Variants in EYS observed in about 807,000 individuals in gnomAD.
EYS encodes the protein EGF-like photoreceptor maintenance factor.
EYS carries 250 observed loss-of-function variants against 282.1 expected under a neutral mutation model. The ratio of observed to expected loss-of-function variants is 0.89; its 90% CI spans 0.80 to 0.98. EYS has a LOEUF of 0.98. Ranked by LOEUF, EYS falls within the 50% of genes least tolerant of loss-of-function variation. EYS has a pLI of 0.00. For missense variants in EYS, 4,016 were observed against 3,709.0 expected, an observed-to-expected ratio of 1.08 and a Z score of -2.15; for synonymous variants, 1,355 against 1,282.9, an observed-to-expected ratio of 1.06 and a Z score of -1.20.
At chr6:65,023,913 A>T (rs1237279194) in intron 13 of EYS, among the ~76,000 whole-genome samples, 1 of 152,212 alleles carries the variant, frequency 6.6e-6, no homozygotes, top group Non-Finnish European at 1.5e-5. Context: ...CATACATAGC[A>T]GTCCAATAAA....
At chr6:65,263,292 G>C (rs564928070) in intron 12 of EYS, among the ~76,000 whole-genome samples, 112 of 152,100 alleles carry the variant, frequency 7.4e-4, no homozygotes, top group African/African-American at 2.6e-3. Flanking sequence ...AGTGAGCTAT[G>C]ATCGTGCCAA....
At chr6:65,496,464 C>T (rs1766261964) in intron 2 of EYS, among the ~76,000 whole-genome samples, 1 of 151,778 alleles carries the variant, frequency 6.6e-6, no homozygotes, top group Admixed American at 6.6e-5. Context: ...AACTGCAATC[C>T]TCACAATTAA....
chr6:64,027,476 TA>T (rs1309973401), intron 33 of EYS, among the ~76,000 whole-genome samples: 1 of 152,138 alleles, frequency 6.6e-6, no homozygotes, highest in African/African-American at 2.4e-5. Context: ...GAGGCATTAC[TA>T]AACCTGGCAA....
intron 35 of EYS, among the ~76,000 whole-genome samples, chr6:63,908,604 C>T (rs1435755958): frequency 6.6e-6 from 1 of 151,890 alleles, no homozygotes; most frequent in African/African-American, 2.4e-5. Flanking sequence ...GCACCCACCA[C>T]CACGCTCGGC....
intron 29 of EYS, among the ~76,000 whole-genome samples, chr6:64,339,882 C>A (rs575051796): frequency 7.6e-4 from 115 of 151,690 alleles, no homozygotes; most frequent in African/African-American, 2.8e-3. Context: ...ATACAGTGGA[C>A]TTTGGGGACC....
At chr6:64,894,095 A>G (rs997008538) in intron 18 of EYS, among the ~76,000 whole-genome samples, 15 of 152,134 alleles carry the variant, frequency 9.9e-5, no homozygotes, top group African/African-American at 2.4e-4. Flanking sequence ...CATTTTAATA[A>G]ATATTTAAGT....
intron 22 of EYS, among the ~76,000 whole-genome samples, chr6:64,664,726 A>G (rs1769167816): frequency 6.6e-6 from 1 of 152,178 alleles, no homozygotes; most frequent in South Asian, 2.1e-4. Flanking sequence ...TGACCTTTTC[A>G]TCATGAGAAC....
At chr6:63,936,204 G>T (rs1765051834) in intron 35 of EYS, among the ~76,000 whole-genome samples, 1 of 152,158 alleles carries the variant, frequency 6.6e-6, no homozygotes, top group Non-Finnish European at 1.5e-5. Context: ...ACCCCTTCTG[G>T]GATGAGAGTC....
chr6:64,961,352 A>C (rs1769909616), intron 14 of EYS, among the ~76,000 whole-genome samples: 1 of 152,146 alleles, frequency 6.6e-6, no homozygotes. Context: ...TAAACTATTA[A>C]TTATTCAAAT....
intron 24 of EYS, among the ~76,000 whole-genome samples, chr6:64,596,337 T>C (rs1766587540): frequency 6.6e-6 from 1 of 152,170 alleles, no homozygotes. Flanking sequence ...AGACCAATGA[T>C]ATTTTTCAGA....
intron 12 of EYS, among the ~76,000 whole-genome samples, chr6:65,139,135 T>C (rs910038042): frequency 2.6e-5 from 4 of 152,094 alleles, no homozygotes; most frequent in Non-Finnish European, 5.9e-5. Flanking sequence ...TGCACACATA[T>C]GTTCATCGCA....
chr6:64,884,560 T>C (rs1014537471), intron 19 of EYS, among the ~76,000 whole-genome samples: 4 of 151,424 alleles, frequency 2.6e-5, no homozygotes, highest in Non-Finnish European at 5.9e-5. Flanking sequence ...CAGTAATGCT[T>C]TAGGAGCCTT....
At chr6:65,560,820 G>A (rs2127344967) in intron 2 of EYS, among the ~76,000 whole-genome samples, 1 of 152,054 alleles carries the variant, frequency 6.6e-6, no homozygotes, top group Non-Finnish European at 1.5e-5. Flanking sequence ...CCCATACACA[G>A]TATCTTCTTA....
chr6:64,827,481 A>T (rs1360993021), intron 19 of EYS, among the ~76,000 whole-genome samples: 1 of 151,902 alleles, frequency 6.6e-6, no homozygotes, highest in African/African-American at 2.4e-5. Context: ...TTCATGTAGT[A>T]AATGATCAAA....
intron 32 of EYS, among the ~76,000 whole-genome samples, chr6:64,071,803 T>C (rs548792925): frequency 6.6e-6 from 1 of 151,576 alleles, no homozygotes; most frequent in East Asian, 2.0e-4. Flanking sequence ...ATGATTTGTA[T>C]CATATCCAAA....
intron 12 of EYS, among the ~76,000 whole-genome samples, chr6:65,155,495 CA>C (rs2150218031): frequency 6.6e-6 from 1 of 151,468 alleles, no homozygotes; most frequent in East Asian, 2.0e-4. Flanking sequence ...TATTTCTTTC[CA>C]AAGGGGGAGT....
intron 19 of EYS, among the ~76,000 whole-genome samples, chr6:64,871,892 GACA>G (rs1324175228): frequency 1.3e-5 from 2 of 151,930 alleles, no homozygotes; most frequent in Non-Finnish European, 2.9e-5. Flanking sequence ...ACCAAGGATT[GACA>G]ACAAAGAATT....
At chr6:65,410,147 C>T (rs1766924461) in intron 5 of EYS, among the ~76,000 whole-genome samples, 1 of 151,856 alleles carries the variant, frequency 6.6e-6, no homozygotes, top group Non-Finnish European at 1.5e-5. Context: ...ATGATACTAC[C>T]TTATAAGTAT....
At chr6:64,544,072 A>G (rs1380195892) in intron 26 of EYS, among the ~76,000 whole-genome samples, 6 of 152,200 alleles carry the variant, frequency 3.9e-5, no homozygotes, top group Non-Finnish European at 2.9e-5. Flanking sequence ...GTTTTAAAAT[A>G]CTGTTAACTC....
Sources: allele counts gnomAD v4.1 joint callset (sites outside exome capture counted in the v4.1 genomes callset), GRCh38; gene constraint gnomAD v4.1.1; transcripts MANE v1.5; gene names NCBI Gene and HGNC (gene_info 2026-07-23, HGNC 2026-07-21).